Variants in HEPH observed in about 807,000 individuals in gnomAD.
HEPH encodes the protein hephaestin.
A neutral mutation model predicts 80.8 loss-of-function variants in HEPH; 69 were observed. That is an observed-to-expected ratio of 0.85 (90% CI 0.70 to 1.04). The LOEUF (loss-of-function observed/expected upper bound fraction) is 1.04. Among genes scored for constraint, HEPH ranks in the 50% least tolerant of loss-of-function variants. HEPH has a pLI of 0.00. For synonymous variants in HEPH, 431 were observed against 322.8 expected (o/e 1.34, Z -3.60); for missense variants, 1,115 against 891.3 (o/e 1.25, Z -3.20).
chrX:66,244,162 C>T (rs1331332929), intron 15 of HEPH, among the ~76,000 whole-genome samples: 5 of 111,365 alleles, frequency 4.5e-5, no homozygotes, highest in African/African-American at 1.6e-4. Context: ...TAGGAATAGT[C>T]ATCTTGTATA....
chrX:66,266,162 G>A (rs1291195548), intron 20 of HEPH, among the ~76,000 whole-genome samples: 1 of 110,050 alleles, frequency 9.1e-6, no homozygotes. Flanking sequence ...TTAGATATTT[G>A]AGAACATGTA....
At chrX:66,256,972 A>G (rs1037057916) in intron 17 of HEPH, among the ~76,000 whole-genome samples, 1 of 112,125 alleles carries the variant, frequency 8.9e-6, no homozygotes, top group Non-Finnish European at 1.9e-5. Flanking sequence ...AACAAGAGAA[A>G]GAGGGGAGAG....
intron 17 of HEPH, among the ~76,000 whole-genome samples, chrX:66,257,370 C>G (rs2091214805): frequency 1.8e-5 from 2 of 111,843 alleles, no homozygotes; most frequent in Non-Finnish European, 3.8e-5. Context: ...ATTTGTTAAG[C>G]AGTTTCTGAG....
In HEPH at chrX:66,266,631, A is replaced by G. The variant is rs1360529417; in HGVS notation, c.3436A>G (p.Ile1146Val). The change falls in exon 21 of 21, where the codon ATC (isoleucine) becomes GTC (valine). Residue 1146 changes from isoleucine (I) to valine (V), a missense_variant. Transcript: ENST00000343002. ...QRKLRRNRRS[I>V]LDDSFKLLSF... ...AAAGCTACGACGCAATAGGAGGTCC[A>G]TCCTGGATGACAGCTTCAAGCTTCT... 8.3e-7 allele frequency: 1 copy of G among 1,205,908 alleles called. No homozygotes were observed. Among genetic ancestry groups the G allele is most frequent in the Non-Finnish European group, 1.1e-6 (1 of 892,703 alleles).
intron 15 of HEPH, among the ~76,000 whole-genome samples, chrX:66,215,155 G>T (rs183393898): frequency 5.7e-4 from 64 of 111,572 alleles, no homozygotes; most frequent in African/African-American, 2.0e-3. Flanking sequence ...TGTCATAAAG[G>T]TTGTACATAT....
In HEPH at chrX:66,258,945, C is replaced by A; in HGVS notation, c.3002C>A (p.Thr1001Asn). Reference sequence around the variant, plus strand: ...ATGGGCCAAGATGTGGATCTACACACCATCCACTTTCATGCAGAGAGCTTC... The same window carrying A: ...ATGGGCCAAGATGTGGATCTACACAACATCCACTTTCATGCAGAGAGCTTC... ...LAMGQDVDLHTIHFHAESFLY... is the reference protein window; with the variant it reads ...LAMGQDVDLHNIHFHAESFLY... Residue 1001 changes from threonine (T) to asparagine (N), a missense_variant, in exon 18 of 21, where the codon ACC becomes AAC. By Grantham distance (65) the Thr-to-Asn change is moderately conservative. This residue lies in a region of HEPH where 716 missense variants were observed against 523.5 expected (regional missense o/e 1.37). Coordinates refer to ENST00000343002, the MANE Select transcript of HEPH (RefSeq NM_001367233.3). 1 of 1,202,191 alleles carries A rather than the reference C, an allele frequency of 8.3e-7. No individual in the cohort carries two copies. Among genetic ancestry groups the A allele is most frequent in the Non-Finnish European group, 1.1e-6 (1 of 890,591 alleles).
intron 15 of HEPH, among the ~76,000 whole-genome samples, chrX:66,237,146 T>C (rs1458184592): frequency 1.8e-5 from 2 of 111,347 alleles, no homozygotes; most frequent in East Asian, 5.6e-4. Context: ...CTCTGATTTT[T>C]TTTTTTCTTC....
At chrX:66,255,207 G>A (rs941610757) in intron 16 of HEPH, 66 bp downstream of exon 16, 18 of 699,880 alleles carry the variant, frequency 2.6e-5, no homozygotes, top group Non-Finnish European at 3.7e-5. Context: ...TATTAACCAG[G>A]TGTAGTAAGA....
At chrX:66,238,861 A>G (rs1352804709) in intron 15 of HEPH, among the ~76,000 whole-genome samples, 2 of 112,332 alleles carry the variant, frequency 1.8e-5, no homozygotes, top group East Asian at 5.6e-4. Flanking sequence ...AACTAAAAGT[A>G]TCCCTTATGG....
rs868054458 is a variant in HEPH at position 66,180,819 on chromosome X, G to A, written c.625+7018G>A. ...CCACTAACGTGTCATCTAGCATTAGGTATATCTCCCAATGCTATCCCTCCC... is the reference window on the plus strand; with the variant it reads ...CCACTAACGTGTCATCTAGCATTAGATATATCTCCCAATGCTATCCCTCCC... On this transcript the variant is annotated intron_variant, in intron 4 of 20. Transcript: ENST00000343002. 1.1e-3 allele frequency among the ~76,000 whole-genome samples: 94 copies of A among 83,716 alleles called. 1 individual carries two copies. Among genetic ancestry groups the A allele is most frequent in the South Asian group, 3.0e-3 (4 of 1,336 alleles). 72.7% of individuals were successfully genotyped at this position (83,716 alleles called of 115,157 possible). A position where few individuals can be genotyped will look rare whatever the true frequency, so the allele number is the denominator to read the frequency against.
chrX:66,173,551 C>T (rs1260125797), intron 3 of HEPH, 38 bp from the exon 4 acceptor site: 11 of 1,051,873 alleles, frequency 1.0e-5, no homozygotes, highest in Admixed American at 2.3e-5. Flanking sequence ...CGGTCCCTCA[C>T]TTATTCTGGG....
At chrX:66,241,106 G>T (rs1169376500) in intron 15 of HEPH, among the ~76,000 whole-genome samples, 4 of 111,949 alleles carry the variant, frequency 3.6e-5, no homozygotes, top group Non-Finnish European at 7.5e-5. Context: ...GGTCCTTAAG[G>T]AAGTGCTAAA....
chrX:66,198,624 C>T (rs1303310892), intron 10 of HEPH, among the ~76,000 whole-genome samples: 1 of 110,943 alleles, frequency 9.0e-6, no homozygotes, highest in Non-Finnish European at 1.9e-5. Flanking sequence ...TATTTCTTAT[C>T]CTATGCTCCT....
At chrX:66,173,495 C>G in intron 3 of HEPH, 94 bp from the exon 4 acceptor site, 1 of 576,251 alleles carries the variant, frequency 1.7e-6, no homozygotes, top group Admixed American at 3.3e-5. Flanking sequence ...TAAGACTGGA[C>G]CTAGGGTTCT....
rs926985730 is a variant in HEPH, at chrX:66,195,141, C to T, written c.1413C>T (p.Val471=). 4.2e-6 allele frequency: 5 copies of T among 1,202,149 alleles called. No homozygotes were observed. The African/African-American group carries it at 7.1e-5, about 17-fold the overall frequency. ...AGGTGGGTGACACCATTCAGGTGGT[C>T]TTCTACAACCGTGCCTCCCAGCCAT... The part of the protein sequence containing the change: ...RAEVGDTIQV[V]FYNRASQPFS... The change falls in exon 9 of 21, where the codon GTC becomes GTT. Residue 471 remains valine (V), a synonymous_variant. Coordinates refer to ENST00000343002, the MANE Select transcript of HEPH (RefSeq NM_001367233.3).
upstream of HEPH, chrX:66,162,751 C>G: frequency 3.5e-6 from 4 of 1,155,711 alleles, no homozygotes; most frequent in Non-Finnish European, 4.6e-6. Flanking sequence ...TGCCCTACCA[C>G]CTCAGTCTTC....
In HEPH at chrX:66,189,724, CAT is replaced by C. The variant is rs1569306626; in HGVS notation, c.850_851del (p.Met284ValfsTer16). The C allele has an allele frequency of 8.3e-7, 1 of 1,210,609 alleles. No homozygotes were observed. The highest frequency in any genetic ancestry group is 3.0e-5 in the East Asian group (1 of 33,834). On this transcript the variant is annotated frameshift_variant, in exon 6 of 21. Coordinates refer to ENST00000343002, the MANE Select transcript of HEPH (RefSeq NM_001367233.3). LOFTEE classifies it high-confidence loss of function. ...TTTTTGGGAATTTACCTGAGCTGAA[CAT>C]GTGTGCACAGAAACGTGTGGCCTGG... ...FVFGNLPELN[M>X]CAQKRVAWHL...
Position 66,164,393 on chromosome X carries a change from G to C in HEPH, c.-91G>C, listed in dbSNP as rs1602170307. 23 of 751,178 alleles carry C rather than the reference G, an allele frequency of 3.1e-5. No homozygotes were observed. In the South Asian group the frequency reaches 1.2e-3, roughly 40 times the overall value. 61.9% of individuals were successfully genotyped at this position (751,178 alleles called of 1,213,427 possible). ...ACCAAGATACTGACTGAACATGGCT[G>C]GCGGACTCAGGCTGGGGTCTGCAGT... On this transcript the variant is annotated 5_prime_UTR_variant, in exon 1 of 21. Coordinates refer to ENST00000343002, the MANE Select transcript of HEPH (RefSeq NM_001367233.3).
At chrX:66,200,347 G>A in intron 11 of HEPH, 193 bp from the exon 12 acceptor site, 6 of 432,170 alleles carry the variant, frequency 1.4e-5, no homozygotes, top group Non-Finnish European at 2.0e-5. Flanking sequence ...GGACAGTTGA[G>A]CACTCATCCC....
Sources: gnomAD v4.1 joint callset for allele counts (sites outside exome capture counted in the v4.1 genomes callset) on GRCh38, gnomAD v4.1.1 for gene constraint, gnomAD v4.1.1 regional missense constraint, MANE v1.5 for transcripts, NCBI Gene and HGNC (gene_info 2026-07-23, HGNC 2026-07-21) for gene names.